UNC13C: variants seen among roughly 807,000 people sequenced by gnomAD.
The protein encoded by UNC13C is unc-13 homolog C, also known as protein unc-13 homolog C.
UNC13C carries 174 observed loss-of-function variants against 245.4 expected under a neutral mutation model. That is an observed-to-expected ratio of 0.71 (90% confidence interval 0.63 to 0.80). UNC13C has a LOEUF of 0.80. Among genes scored for constraint, UNC13C ranks in the 30% least tolerant of loss-of-function variants. UNC13C has a pLI of 0.00. For missense variants in UNC13C, 2,829 were observed against 2,602.9 expected (o/e 1.09, Z -1.89); for synonymous variants, 992 against 895.1 (o/e 1.11, Z -1.93).
At chr15:54,440,390 T>C (rs186854324) in intron 19 of UNC13C, among the ~76,000 whole-genome samples, 2 of 152,178 alleles carry the variant, frequency 1.3e-5, no homozygotes, top group East Asian at 3.9e-4. Flanking sequence ...CTCCCATATA[T>C]GAATGAGAAC....
upstream of UNC13C, among the ~76,000 whole-genome samples, chr15:53,975,398 C>T (rs1893665065): frequency 6.6e-6 from 1 of 152,132 alleles, no homozygotes; most frequent in Admixed American, 6.5e-5. Flanking sequence ...TTTTGCCAAT[C>T]CATTTGCATG....
chr15:54,486,520 A>G (rs903212731), intron 19 of UNC13C, among the ~76,000 whole-genome samples: 2 of 152,106 alleles, frequency 1.3e-5, no homozygotes, highest in African/African-American at 2.4e-5. Context: ...CAATAAATAT[A>G]TGTTGTATAA....
chr15:54,488,597 G>GA (rs563220119), intron 19 of UNC13C, among the ~76,000 whole-genome samples: 1 of 151,966 alleles, frequency 6.6e-6, no homozygotes, highest in African/African-American at 2.4e-5. Context: ...ACACTATACA[G>GA]AAAAAAACTC....
intron 10 of UNC13C, among the ~76,000 whole-genome samples, chr15:54,286,982 G>A (rs1485804479): frequency 1.3e-5 from 2 of 152,094 alleles, no homozygotes; most frequent in African/African-American, 4.8e-5. Context: ...TTTAATTAAA[G>A]GAAAACTGCA....
intron 4 of UNC13C, among the ~76,000 whole-genome samples, chr15:54,210,270 A>C (rs952761389): frequency 6.7e-6 from 1 of 149,852 alleles, no homozygotes; most frequent in Non-Finnish European, 1.5e-5. Context: ...TAACAAAACC[A>C]GTGTTAATTT....
intron 7 of UNC13C, among the ~76,000 whole-genome samples, chr15:54,239,701 C>A (rs1048563785): frequency 2.0e-5 from 3 of 152,198 alleles, no homozygotes; most frequent in Non-Finnish European, 4.4e-5. Flanking sequence ...GTTCTTCCAC[C>A]TCAGCCTCCC....
the UNC13C span, among the ~76,000 whole-genome samples, chr15:53,934,743 A>C: frequency 6.6e-6 from 1 of 152,200 alleles, no homozygotes; most frequent in Non-Finnish European, 1.5e-5. Context: ...GCACCGACAC[A>C]GTCAGTGTCT....
the UNC13C span, among the ~76,000 whole-genome samples, chr15:53,945,515 G>A: frequency 6.6e-6 from 1 of 152,174 alleles, no homozygotes; most frequent in South Asian, 2.1e-4. Flanking sequence ...TTTCCCCATT[G>A]CTCATTTTTG....
the UNC13C span, among the ~76,000 whole-genome samples, chr15:53,900,886 C>G: frequency 6.6e-6 from 1 of 152,118 alleles, no homozygotes; most frequent in Non-Finnish European, 1.5e-5. Flanking sequence ...GTTTTATCTT[C>G]TTTTTCCATA....
At chr15:54,459,796 A>G (rs868143029) in intron 19 of UNC13C, among the ~76,000 whole-genome samples, 1 of 151,654 alleles carries the variant, frequency 6.6e-6, no homozygotes, top group Non-Finnish European at 1.5e-5. Flanking sequence ...TTGCATCCAT[A>G]TTCTTTTTTT....
At chr15:54,033,400 T>A (rs1174273301) in intron 2 of UNC13C, among the ~76,000 whole-genome samples, 2 of 152,096 alleles carry the variant, frequency 1.3e-5, no homozygotes, top group Non-Finnish European at 2.9e-5. Flanking sequence ...CAAGAAAAAA[T>A]TTTTGGATTA....
chr15:54,250,556 C>G (rs2036118249), intron 8 of UNC13C, 112 bp downstream of exon 8: 1 of 906,644 alleles, frequency 1.1e-6, no homozygotes, highest in African/African-American at 1.7e-5. Context: ...TACCCGCTCC[C>G]CTCCCACCAC....
intron 8 of UNC13C, among the ~76,000 whole-genome samples, chr15:54,254,913 T>G (rs889808924): frequency 2.0e-5 from 3 of 152,134 alleles, no homozygotes; most frequent in Non-Finnish European, 2.9e-5. Context: ...TTCCCCGCCA[T>G]GATAACTCCT....
At chr15:54,081,178 A>G (rs1898918621) in intron 2 of UNC13C, among the ~76,000 whole-genome samples, 2 of 152,056 alleles carry the variant, frequency 1.3e-5, no homozygotes, top group African/African-American at 2.4e-5. Flanking sequence ...TATGCTTGAT[A>G]TGATTTTGAT....
chr15:54,444,264 CCTTA>C (rs1440677448), intron 19 of UNC13C, among the ~76,000 whole-genome samples: 1 of 150,610 alleles, frequency 6.6e-6, no homozygotes, highest in Non-Finnish European at 1.5e-5. Flanking sequence ...TTTTTCATTC[CCTTA>C]CTTTTGATAA....
At chr15:54,526,371 A>C (rs1181094461) in intron 25 of UNC13C, among the ~76,000 whole-genome samples, 1 of 152,188 alleles carries the variant, frequency 6.6e-6, no homozygotes, top group Non-Finnish European at 1.5e-5. Flanking sequence ...ATTTGCTTTA[A>C]ATATTAGTTA....
intron 32 of UNC13C, among the ~76,000 whole-genome samples, chr15:54,625,368 G>A (rs1274972104): frequency 6.6e-6 from 1 of 152,068 alleles, no homozygotes; most frequent in Non-Finnish European, 1.5e-5. Flanking sequence ...ATCCACAGGG[G>A]GAAACTGGGC....
chr15:53,978,210 G>T (rs564101116), upstream of UNC13C, among the ~76,000 whole-genome samples: 10 of 152,358 alleles, frequency 6.6e-5, no homozygotes, highest in East Asian at 1.9e-3. Context: ...AGGGAAGATA[G>T]GCTGAGGAAG....
At chr15:54,234,215 A>T (rs1482684174) in intron 4 of UNC13C, among the ~76,000 whole-genome samples, 1 of 148,358 alleles carries the variant, frequency 6.7e-6, no homozygotes, top group Non-Finnish European at 1.5e-5. Flanking sequence ...ACATATATAT[A>T]TAAGTTTAGT....
Sources: allele counts gnomAD v4.1 joint callset (sites outside exome capture counted in the v4.1 genomes callset), GRCh38; gene constraint gnomAD v4.1.1; transcripts MANE v1.5; gene names NCBI Gene and HGNC (gene_info 2026-07-23, HGNC 2026-07-21).